The following PDLIM2 variants were observed in gnomAD, a reference collection of about 807,000 sequenced individuals.
The protein encoded by PDLIM2 is PDZ and LIM domain 2, also known as PDZ and LIM domain protein 2.
Under a neutral mutation model 54.1 loss-of-function variants are expected in PDLIM2, and 51 were observed. The ratio of observed to expected loss-of-function variants is 0.94; its 90% CI spans 0.75 to 1.19. PDLIM2 has a LOEUF of 1.19. Among genes scored for constraint, PDLIM2 ranks in the 50% most tolerant of loss-of-function variants. The pLI, the probability that PDLIM2 is intolerant of heterozygous loss-of-function variation, is 0.00. For missense variants in PDLIM2, 912 were observed against 874.0 expected, an observed-to-expected ratio of 1.04 and a Z score of -0.55; for synonymous variants, 398 against 385.6, an observed-to-expected ratio of 1.03 and a Z score of -0.38.
exon 1 of PDLIM2, chr8:22,579,215 C>T (rs1186726740): frequency 2.9e-6 from 4 of 1,386,192 alleles, no homozygotes; most frequent in Non-Finnish European, 2.8e-6. Context: ...GACAGGTGAG[C>T]GGCAGCCAGG....
intron 6 of PDLIM2, 22 bp downstream of exon 5, chr8:22,585,421 C>A: frequency 1.3e-6 from 2 of 1,592,116 alleles, no homozygotes; most frequent in South Asian, 1.1e-5. Context: ...TGGGGGAGGA[C>A]AGGCTGGAGG....
intron 6 of PDLIM2, among the ~76,000 whole-genome samples, chr8:22,586,427 T>C (rs1422627213): frequency 6.6e-6 from 1 of 152,114 alleles, no homozygotes. Flanking sequence ...TGGTATTAAT[T>C]ACAAAAGCAG....
At chr8:22,589,109 GGCCCGCTGGTCGGCGAGGGCTGGGA>G (rs955359260) in intron 6 of PDLIM2, 164 bp from the exon 6 acceptor site, 15 of 507,060 alleles carry the variant, frequency 3.0e-5, no homozygotes, top group African/African-American at 1.1e-4. Flanking sequence ...AGGGGCAGGG[GGCCCGCTGGTCGGCGAGGGCTGGGA>G]GCCCCCGACA....
At chr8:22,581,636 C>G (rs976411328) in intron 3 of PDLIM2, 106 bp downstream of exon 2, 4 of 1,414,442 alleles carry the variant, frequency 2.8e-6, no homozygotes, top group Admixed American at 5.4e-5. Context: ...AGCCCTAAAG[C>G]GGCCTTCTTG....
At chr8:22,588,173 T>C (rs1800433181) in intron 6 of PDLIM2, 1 of 152,346 alleles carries the variant, frequency 6.6e-6, no homozygotes, top group Admixed American at 6.5e-5. Context: ...CCAGCTACTT[T>C]GCCCTTCTGA....
intron 2 of PDLIM2, 165 bp downstream of exon 1, chr8:22,580,862 TGTG>T: frequency 2.5e-6 from 2 of 802,544 alleles, no homozygotes; most frequent in South Asian, 1.5e-5. Flanking sequence ...GCCACGGGGA[TGTG>T]GTGGCCACTT....
intron 1 of PDLIM2, chr8:22,579,653 G>A (rs2117333102): frequency 8.8e-7 from 1 of 1,132,340 alleles, no homozygotes; most frequent in South Asian, 2.0e-5. Context: ...GACCGCTGGT[G>A]CTCTTGATAG....
At chr8:22,589,854 G>T (rs1475385993) in intron 8 of PDLIM2, 113 bp downstream of exon 7, 4 of 1,411,822 alleles carry the variant, frequency 2.8e-6, no homozygotes, top group Non-Finnish European at 3.8e-6. Context: ...GCTCACCCCA[G>T]GACTAGGCAC....
chr8:22,583,328 C>T (rs926680883), intron 3 of PDLIM2, among the ~76,000 whole-genome samples: 10 of 152,226 alleles, frequency 6.6e-5, no homozygotes, highest in Admixed American at 5.2e-4. Context: ...TCAGGAGTGA[C>T]GCGCTCAAAG....
At chr8:22,588,903 CCT>C (rs1390692837) in intron 6 of PDLIM2, 2 of 288,928 alleles carry the variant, frequency 6.9e-6, no homozygotes, top group Non-Finnish European at 1.3e-5. Context: ...CAGCGTGCTT[CCT>C]CTCTGCTGGT....
At chr8:22,580,552 C>A in intron 1 of PDLIM2, 1 of 1,612,736 alleles carries the variant, frequency 6.2e-7, no homozygotes, top group East Asian at 2.2e-5. Context: ...TACAGTGCCC[C>A]CAGAGCCGGC....
chr8:22,584,932 A>G (rs187736565), intron 4 of PDLIM2, 42 bp downstream of exon 3: 424 of 1,613,626 alleles, frequency 2.6e-4, no homozygotes, highest in Non-Finnish European at 3.4e-4. Context: ...CACCCTGATC[A>G]CTGGTGCATG....
intron 1 of PDLIM2, chr8:22,579,719 G>A: frequency 1.7e-6 from 1 of 598,150 alleles, no homozygotes; most frequent in Non-Finnish European, 2.6e-6. Flanking sequence ...TGGGCAGGGT[G>A]GTGCCCAGCC....
chr8:22,590,249 C>T (rs368164013), intron 8 of PDLIM2: 4 of 158,826 alleles, frequency 2.5e-5, no homozygotes, highest in East Asian at 1.9e-4. Flanking sequence ...TGAGGGCCCT[C>T]GGGAAGGGAA....
chr8:22,593,501 C>G (rs77117872), intron 9 of PDLIM2: 2 of 507,662 alleles, frequency 3.9e-6, no homozygotes, highest in South Asian at 5.9e-5. Flanking sequence ...CGCTTGAACC[C>G]GGAAGGTAGA....
chr8:22,597,879 C>T (rs1800713140), downstream of PDLIM2: 1 of 152,458 alleles, frequency 6.6e-6, no homozygotes, highest in African/African-American at 2.4e-5. Context: ...CCCAGAGGAC[C>T]CATGGCTAGC....
rs780883647 is a variant in PDLIM2, at chr8:22,584,909, CT to C, written c.1065+20del. 16 of 1,613,988 alleles carry C rather than the reference CT, an allele frequency of 9.9e-6. No individual in the cohort carries two copies. In the African/African-American group the frequency reaches 2.1e-4, roughly 22 times the overall value. On this transcript the variant is annotated intron_variant, in intron 4 of 9. Coordinates refer to ENST00000308354, the Ensembl canonical transcript of PDLIM2. ...CTTCCAGGTAAGCTGGTGCCCTCCC[CT>C]GACAGCCTCAGCACCCTGATCACTG... is the stretch of plus-strand genomic sequence containing the variant.
Position 22,593,774 on chromosome 8 carries a change from C to T in PDLIM2, c.1673C>T (p.Pro558Leu), listed in dbSNP as rs996941900. The change falls in exon 10 of 10, where the codon CCC becomes CTC. Residue 558 changes from proline (P) to leucine (L), a missense_variant. Transcript: ENST00000308354. ...ATCCAGGAGGGCCGGTACCGCCACC[C>T]CGGCTGCTACACCTGTGCCGACTGT... The T allele has an allele frequency of 7.5e-6, 12 of 1,604,144 alleles. No homozygotes were observed. Among genetic ancestry groups the T allele is most frequent in the Admixed American group, 5.1e-5 (3 of 58,506 alleles).
intron 6 of PDLIM2, among the ~76,000 whole-genome samples, chr8:22,586,482 A>G (rs1017484719): frequency 6.6e-6 from 1 of 152,074 alleles, no homozygotes; most frequent in Non-Finnish European, 1.5e-5. Context: ...TGTGAGGAGT[A>G]TTGCTGGACG....
Sources: gnomAD v4.1 joint callset for allele counts (sites outside exome capture counted in the v4.1 genomes callset) on GRCh38, gnomAD v4.1.1 for gene constraint, MANE v1.5 for transcripts, NCBI Gene and HGNC (gene_info 2026-07-23, HGNC 2026-07-21) for gene names.